The following TTLL5 variants were observed in gnomAD, a reference collection of about 807,000 sequenced individuals.
TTLL5 encodes the protein tubulin tyrosine ligase like 5.
Under a neutral mutation model 168.4 loss-of-function variants are expected in TTLL5, and 132 were observed. The observed-to-expected ratio is 0.78, with a 90% CI of 0.68 to 0.91. The LOEUF (loss-of-function observed/expected upper bound fraction) is 0.91. TTLL5 is among the 40% of genes least tolerant of loss of function. The pLI is 0.00. For missense variants in TTLL5, 1,545 were observed against 1,581.5 expected, an observed-to-expected ratio of 0.98 and a Z score of 0.39; for synonymous variants, 546 against 558.6, an observed-to-expected ratio of 0.98 and a Z score of 0.32.
chr14:75,715,907 C>G (rs1439865433), intron 9 of TTLL5, among the ~76,000 whole-genome samples: 1 of 151,784 alleles, frequency 6.6e-6, no homozygotes, highest in African/African-American at 2.4e-5. Flanking sequence ...TTTTGTCAGG[C>G]TTTTCATGTT....
rs7147539 is a variant in TTLL5, at chr14:75,888,702, G to A, written c.3740+5800G>A. Among the ~76,000 whole-genome samples the A allele has an allele frequency of 7.9e-3, 1,208 of 152,272 alleles. 21 individuals are homozygous for A. The highest frequency in any genetic ancestry group is 0.028 in the African/African-American group (1,162 of 41,546). On this transcript the variant is annotated intron_variant, in intron 30 of 31. Transcript: ENST00000298832. ...TGTAATCCCAGTGCTTTGGGAGGCC[G>A]AGGCGGGTGGGTCATGAGGTCAGGA...
At chr14:75,862,165 A>G (rs1299847183) in intron 28 of TTLL5, among the ~76,000 whole-genome samples, 1 of 152,314 alleles carries the variant, frequency 6.6e-6, no homozygotes, top group African/African-American at 2.4e-5. Flanking sequence ...GGTTCTGTAC[A>G]TGTGCTGCAG....
chr14:75,687,295 G>C (rs926166034), intron 5 of TTLL5, among the ~76,000 whole-genome samples: 1 of 151,972 alleles, frequency 6.6e-6, no homozygotes, highest in Non-Finnish European at 1.5e-5. Context: ...TTTTGTGGGG[G>C]GACAGTTTCG....
chr14:75,666,917 A>C (rs1293091585), intron 2 of TTLL5, among the ~76,000 whole-genome samples: 3 of 152,242 alleles, frequency 2.0e-5, no homozygotes, highest in African/African-American at 7.2e-5. Context: ...TTTCATGCCT[A>C]TAAAAGTGGA....
chr14:75,783,094 T>A lies in TTLL5; in HGVS notation c.2603-53T>A, dbSNP rs143969613. 3.3e-6 allele frequency: 5 copies of A among 1,501,704 alleles called. No homozygotes were observed. The African/African-American group carries it at 7.0e-5, about 21-fold the overall frequency. The allele number at this position is 1,501,704 out of a possible 1,614,324, so 93.0% of individuals were successfully genotyped here. On this transcript the variant is annotated intron_variant, in intron 25 of 31. Transcript: ENST00000298832. Reference sequence around the variant, plus strand: ...TTTAAAAATATTTGTTTTATAGAGATTGTATGTTTGTTTTTCCTATAATGA... The same window carrying A: ...TTTAAAAATATTTGTTTTATAGAGAATGTATGTTTGTTTTTCCTATAATGA...
chr14:75,807,578 G>A (rs1250929825), intron 27 of TTLL5, among the ~76,000 whole-genome samples: 1 of 152,202 alleles, frequency 6.6e-6, no homozygotes, highest in Non-Finnish European at 1.5e-5. Flanking sequence ...ATGAGGTGTA[G>A]GTACTTACTT....
intron 29 of TTLL5, among the ~76,000 whole-genome samples, chr14:75,877,182 T>G (rs1023938976): frequency 6.6e-6 from 1 of 152,128 alleles, no homozygotes; most frequent in Non-Finnish European, 1.5e-5. Context: ...AAAAATGAAT[T>G]TACAGAATTA....
intron 18 of TTLL5, among the ~76,000 whole-genome samples, chr14:75,755,487 T>TTCC (rs1890196547): frequency 6.6e-6 from 1 of 152,106 alleles, no homozygotes; most frequent in South Asian, 2.1e-4. Flanking sequence ...AGCTTTGTCC[T>TTCC]TCCTCCTCTA....
At position 75,916,506 on chromosome 14, in the gene TTLL5, C is replaced by G. The variant is rs146860960; in HGVS notation, c.3823+14282C>G. On this transcript the variant is annotated intron_variant, in intron 31 of 31. Coordinates refer to ENST00000298832, the MANE Select transcript of TTLL5 (RefSeq NM_015072.5). ...AAAATAAAGTAGCCAGGCACAGTGGCACATGCCTATAGTTCTAACTACTTG... is the reference window on the plus strand; with the variant it reads ...AAAATAAAGTAGCCAGGCACAGTGGGACATGCCTATAGTTCTAACTACTTG... Among the ~76,000 whole-genome samples the G allele has an allele frequency of 5.5e-4, 84 of 152,150 alleles. 1 individual carries two copies. In the East Asian group the frequency reaches 0.01, roughly 18 times the overall value.
At chr14:75,904,169 A>T in intron 31 of TTLL5, 1 of 1,268,684 alleles carries the variant, frequency 7.9e-7, no homozygotes, top group Non-Finnish European at 1.0e-6. Context: ...AATTCAAGAA[A>T]TACTTGATGG....
intron 21 of TTLL5, among the ~76,000 whole-genome samples, chr14:75,774,089 C>T (rs1406749345): frequency 2.7e-5 from 4 of 150,850 alleles, no homozygotes; most frequent in African/African-American, 9.7e-5. Flanking sequence ...CTCTGTGTTC[C>T]AGCTTAGGTT....
intron 8 of TTLL5, 105 bp from the exon 9 acceptor site, chr14:75,707,518 G>A: frequency 2.2e-6 from 2 of 908,188 alleles, no homozygotes; most frequent in African/African-American, 1.7e-5. Context: ...CATGTGGAGT[G>A]TAGGAATGTT....
intron 26 of TTLL5, among the ~76,000 whole-genome samples, chr14:75,783,944 G>C (rs1386033026): frequency 6.6e-6 from 1 of 152,120 alleles, no homozygotes; most frequent in Non-Finnish European, 1.5e-5. Context: ...CTTAGAATAG[G>C]TTATATCATT....
intron 28 of TTLL5, among the ~76,000 whole-genome samples, chr14:75,828,244 T>C (rs1216391279): frequency 2.0e-5 from 3 of 152,128 alleles, no homozygotes; most frequent in Non-Finnish European, 4.4e-5. Context: ...TTTGAGCTGC[T>C]CGAATCTACT....
chr14:75,929,893 C>T (rs1002467073), intron 31 of TTLL5, among the ~76,000 whole-genome samples: 3 of 152,092 alleles, frequency 2.0e-5, no homozygotes, highest in Non-Finnish European at 2.9e-5. Context: ...ATCTGTCACA[C>T]GTCATGGTTA....
chr14:75,792,854 A>G, intron 26 of TTLL5, 62 bp from the exon 27 acceptor site: 4 of 1,442,800 alleles, frequency 2.8e-6, no homozygotes, highest in Non-Finnish European at 3.7e-6. Context: ...TTCTGTCATT[A>G]TCCTAATTTT....
chr14:75,710,842 A>G (rs1455144523), intron 9 of TTLL5: 1 of 152,200 alleles, frequency 6.6e-6, no homozygotes, highest in Non-Finnish European at 1.5e-5. Flanking sequence ...TCAGTTTGGG[A>G]TGAGATTATT....
At chr14:75,717,585 G>T (rs1418597840) in intron 9 of TTLL5, among the ~76,000 whole-genome samples, 1 of 152,210 alleles carries the variant, frequency 6.6e-6, no homozygotes, top group Non-Finnish European at 1.5e-5. Flanking sequence ...TGGAGTTGGT[G>T]TGATCTTGAA....
intron 7 of TTLL5, among the ~76,000 whole-genome samples, chr14:75,700,501 A>G (rs1018886782): frequency 2.0e-5 from 3 of 152,160 alleles, no homozygotes; most frequent in Non-Finnish European, 4.4e-5. Flanking sequence ...ACTGTGTATG[A>G]GGCCCCTCTC....
Sources: allele counts gnomAD v4.1 joint callset (sites outside exome capture counted in the v4.1 genomes callset), GRCh38; gene constraint gnomAD v4.1.1; transcripts MANE v1.5; gene names NCBI Gene and HGNC (gene_info 2026-07-23, HGNC 2026-07-21).